Variants in MAGI2 observed in about 807,000 individuals in gnomAD.
MAGI2 encodes membrane-associated guanylate kinase, WW and PDZ domain-containing protein 2.
Under a neutral mutation model 133.3 loss-of-function variants are expected in MAGI2, and 35 were observed. That is an observed-to-expected ratio of 0.26 (90% confidence interval 0.20 to 0.35). The LOEUF is 0.35. Ranked by LOEUF, MAGI2 falls within the 10% of genes least tolerant of loss-of-function variation. The pLI, the probability that MAGI2 is intolerant of heterozygous loss-of-function variation, is 1.00. For synonymous variants in MAGI2, 729 were observed against 710.6 expected (o/e 1.03, Z -0.41); for missense variants, 1,636 against 1,863.4 (o/e 0.88, Z 2.25).
intron 3 of MAGI2, among the ~76,000 whole-genome samples, chr7:78,590,967 G>A (rs1176260006): frequency 1.3e-5 from 2 of 152,070 alleles, no homozygotes; most frequent in African/African-American, 4.8e-5. Context: ...TAGCCAAATA[G>A]CAGTCTCTGT....
intron 2 of MAGI2, among the ~76,000 whole-genome samples, chr7:79,005,935 T>C (rs547343313): frequency 6.6e-6 from 1 of 152,252 alleles, no homozygotes; most frequent in South Asian, 2.1e-4. Context: ...ATGCCAATCA[T>C]CAAGTATTCT....
chr7:78,855,437 A>T (rs1563584232), intron 2 of MAGI2, among the ~76,000 whole-genome samples: 1 of 152,034 alleles, frequency 6.6e-6, no homozygotes, highest in Non-Finnish European at 1.5e-5. Flanking sequence ...CCAGTGTGTG[A>T]TGTTCCCCAC....
intron 1 of MAGI2, chr7:79,413,277 A>C (rs1846264946): frequency 6.6e-6 from 1 of 152,190 alleles, no homozygotes; most frequent in Admixed American, 6.6e-5. Flanking sequence ...CCAGTTCCTC[A>C]GTAATTCCTA....
chr7:78,599,090 A>G (rs1221282839), intron 3 of MAGI2, among the ~76,000 whole-genome samples: 1 of 152,176 alleles, frequency 6.6e-6, no homozygotes, highest in Admixed American at 6.5e-5. Flanking sequence ...TATCATTTAC[A>G]TGCACTTCTA....
intron 11 of MAGI2, among the ~76,000 whole-genome samples, chr7:78,199,132 C>T (rs1325035478): frequency 6.6e-6 from 1 of 152,106 alleles, no homozygotes; most frequent in African/African-American, 2.4e-5. Flanking sequence ...GCCACGTGGT[C>T]ATTTCTCAAC....
At chr7:79,054,069 G>A (rs1180070078) in intron 1 of MAGI2, among the ~76,000 whole-genome samples, 6 of 152,034 alleles carry the variant, frequency 3.9e-5, no homozygotes, top group Non-Finnish European at 1.5e-5. Flanking sequence ...GGTGGCTGGC[G>A]CCTGTAGTCC....
intron 4 of MAGI2, among the ~76,000 whole-genome samples, chr7:78,509,010 T>C (rs1468130451): frequency 6.6e-6 from 1 of 152,090 alleles, no homozygotes; most frequent in Non-Finnish European, 1.5e-5. Flanking sequence ...GCTTCATATG[T>C]AAAATATAAT....
rs780818091 is a variant in MAGI2 at position 78,019,985 on chromosome 7, G to A, written c.3707-9C>T. 2 of 1,597,640 alleles carry A rather than the reference G, an allele frequency of 1.3e-6. No individual in the cohort carries two copies. Among genetic ancestry groups the A allele is most frequent in the East Asian group, 2.3e-5 (1 of 44,102 alleles). On this transcript the variant is annotated splice_polypyrimidine_tract_variant and intron_variant, in intron 21 of 21. Transcript: ENST00000354212. ...CCAGGGGGCGGGTTCGTCTGTGGAC[G>A]GGAAGCACAGGCGTTAGCAGTGGCG...
chr7:78,653,775 TAA>T (rs3085457), intron 2 of MAGI2, among the ~76,000 whole-genome samples: 30,699 of 142,858 alleles, frequency 0.21, 3,482 homozygotes, highest in East Asian at 0.43. Flanking sequence ...TGAAGTATGA[TAA>T]AAAAAAAAAA....
At chr7:78,101,754 T>C (rs11772949) in intron 20 of MAGI2, among the ~76,000 whole-genome samples, 17,859 of 152,236 alleles carry the variant, frequency 0.12, 1,371 homozygotes, top group Non-Finnish European at 0.18. Flanking sequence ...TGTACCACTG[T>C]TGATGGGAAT....
intron 6 of MAGI2, among the ~76,000 whole-genome samples, chr7:78,477,990 G>T (rs1791958315): frequency 6.6e-6 from 1 of 151,630 alleles, no homozygotes; most frequent in Non-Finnish European, 1.5e-5. Context: ...TTGTTACACA[G>T]GTAGACACAT....
At chr7:78,959,394 A>G (rs1802663493) in intron 2 of MAGI2, among the ~76,000 whole-genome samples, 1 of 152,114 alleles carries the variant, frequency 6.6e-6, no homozygotes, top group Non-Finnish European at 1.5e-5. Flanking sequence ...AAAAAGTATA[A>G]TAAATTAAAA....
At chr7:78,900,920 A>T (rs1448162224) in intron 2 of MAGI2, among the ~76,000 whole-genome samples, 1 of 152,120 alleles carries the variant, frequency 6.6e-6, no homozygotes, top group Non-Finnish European at 1.5e-5. Flanking sequence ...GAGTCCCAGA[A>T]AATTCTAGAA....
At chr7:78,331,761 T>C (rs1051591346) in intron 9 of MAGI2, among the ~76,000 whole-genome samples, 1 of 152,204 alleles carries the variant, frequency 6.6e-6, no homozygotes, top group East Asian at 1.9e-4. Flanking sequence ...CCTGGTGTTA[T>C]AATGTCTAGC....
chr7:79,038,010 C>T lies in MAGI2; in HGVS notation c.302-30804G>A, dbSNP rs191766421. ...TAATTTCTGTCTACTTGCCAAAAACCTTTTGTACGTTCATCAAGAGTCATG... is the reference window on the plus strand; with the variant it reads ...TAATTTCTGTCTACTTGCCAAAAACTTTTTGTACGTTCATCAAGAGTCATG... On this transcript the variant is annotated intron_variant, in intron 1 of 21. Coordinates refer to ENST00000354212, the MANE Select transcript of MAGI2 (RefSeq NM_012301.4). 7.2e-4 allele frequency among the ~76,000 whole-genome samples: 110 copies of T among 152,238 alleles called. 3 individuals carry two copies. In the East Asian group the frequency reaches 9.7e-3, roughly 13 times the overall value.
chr7:79,218,494 C>T (rs368526833), intron 1 of MAGI2, among the ~76,000 whole-genome samples: 1 of 151,996 alleles, frequency 6.6e-6, no homozygotes, highest in African/African-American at 2.4e-5. Context: ...ACACAAATAT[C>T]GTCTCTGAAG....
At chr7:78,510,437 C>A (rs896166986) in intron 4 of MAGI2, among the ~76,000 whole-genome samples, 6 of 152,256 alleles carry the variant, frequency 3.9e-5, no homozygotes, top group Non-Finnish European at 1.5e-5. Context: ...ATTATTACCA[C>A]TGAATTCTAT....
chr7:78,190,644 G>A (rs954239451), intron 12 of MAGI2, among the ~76,000 whole-genome samples: 1 of 152,062 alleles, frequency 6.6e-6, no homozygotes, highest in South Asian at 2.1e-4. Context: ...AATAAGTGGT[G>A]GACGCAAGGA....
chr7:78,984,768 T>C (rs372884692), intron 2 of MAGI2, among the ~76,000 whole-genome samples: 15 of 152,006 alleles, frequency 9.9e-5, no homozygotes, highest in African/African-American at 3.4e-4. Context: ...TTTGTAGCAC[T>C]GATTTTCATT....
Sources: allele counts gnomAD v4.1 joint callset (sites outside exome capture counted in the v4.1 genomes callset), GRCh38; gene constraint gnomAD v4.1.1; transcripts MANE v1.5; gene names NCBI Gene and HGNC (gene_info 2026-07-23, HGNC 2026-07-21).